The following THSD7B variants were observed in gnomAD, a reference collection of about 807,000 sequenced individuals.
THSD7B encodes the protein thrombospondin type-1 domain-containing protein 7B.
THSD7B carries 138 observed loss-of-function variants against 213.6 expected under a neutral mutation model. The ratio of observed to expected loss-of-function variants is 0.65; its 90% CI spans 0.56 to 0.74. THSD7B has a LOEUF of 0.74. THSD7B is among the 30% of genes least tolerant of loss of function. THSD7B has a pLI of 0.00. For missense variants in THSD7B, 1,931 were observed against 1,991.5 expected, an observed-to-expected ratio of 0.97 and a Z score of 0.58; for synonymous variants, 742 against 687.0, an observed-to-expected ratio of 1.08 and a Z score of -1.25.
At chr2:137,194,634 T>C (rs1379675615) in intron 7 of THSD7B, among the ~76,000 whole-genome samples, 2 of 152,222 alleles carry the variant, frequency 1.3e-5, no homozygotes, top group South Asian at 2.1e-4. Context: ...GTTTTCTTCA[T>C]ACAGGTTTTA....
intron 20 of THSD7B, among the ~76,000 whole-genome samples, chr2:137,628,573 G>A (rs549071969): frequency 6.7e-6 from 1 of 150,130 alleles, no homozygotes; most frequent in Non-Finnish European, 1.5e-5. Flanking sequence ...CGTCAGTGAT[G>A]TCTTTCATTG....
At chr2:137,549,686 T>C (rs988264863) in intron 15 of THSD7B, among the ~76,000 whole-genome samples, 9 of 152,050 alleles carry the variant, frequency 5.9e-5, no homozygotes, top group African/African-American at 2.2e-4. Flanking sequence ...GAACTCCTTA[T>C]TTCCCTGACC....
At chr2:137,298,205 T>C (rs1425660014) in intron 12 of THSD7B, among the ~76,000 whole-genome samples, 2 of 152,112 alleles carry the variant, frequency 1.3e-5, no homozygotes, top group African/African-American at 4.8e-5. Context: ...GTGACCCTTG[T>C]TATGTTTTAG....
At chr2:137,637,913 T>C (rs961675541) in intron 20 of THSD7B, among the ~76,000 whole-genome samples, 2 of 152,158 alleles carry the variant, frequency 1.3e-5, no homozygotes, top group Non-Finnish European at 2.9e-5. Flanking sequence ...ATTAGGATAA[T>C]AGGTGTTTCA....
rs1413075787 is a variant in THSD7B at position 137,202,402 on chromosome 2, G to A, written c.1724-28642G>A. On this transcript the variant is annotated intron_variant, in intron 7 of 27. Transcript: ENST00000409968. The stretch of plus-strand genomic sequence containing the variant: ...AGTGTCCTCATAAGAAGGAGGCAAA[G>A]AAGACAGACACCCAGAAGAGAAGAC... Among the ~76,000 whole-genome samples, 3 of 152,126 alleles carry A rather than the reference G, an allele frequency of 2.0e-5. No homozygotes were observed. In the East Asian group the frequency reaches 5.8e-4, roughly 29 times the overall value.
chr2:136,784,048 C>T (rs1457150085), intron 1 of THSD7B, among the ~76,000 whole-genome samples: 4 of 152,242 alleles, frequency 2.6e-5, no homozygotes, highest in South Asian at 2.1e-4. Flanking sequence ...GAATGTGTGT[C>T]GTGAGGAAAC....
At position 137,232,500 on chromosome 2, in the gene THSD7B, G is replaced by A. The variant is rs1681662862; in HGVS notation, c.1916-399G>A. Among the ~76,000 whole-genome samples the A allele has an allele frequency of 2.0e-5, 3 of 152,178 alleles. No individual in the cohort carries two copies. The South Asian group carries it at 6.2e-4, about 31-fold the overall frequency. On this transcript the variant is annotated intron_variant, in intron 8 of 27. Transcript: ENST00000409968. ...CTGCATAAGGGGTGTGTGTGTGTGT[G>A]TGCTCATTCAAACTAATATCACTTC...
intron 15 of THSD7B, among the ~76,000 whole-genome samples, chr2:137,557,610 C>G (rs1385218079): frequency 6.6e-6 from 1 of 151,940 alleles, no homozygotes; most frequent in South Asian, 2.1e-4. Flanking sequence ...CAAGAGAAAG[C>G]AGGAAAGATC....
chr2:136,876,422 A>G (rs965629904), intron 1 of THSD7B, among the ~76,000 whole-genome samples: 1 of 152,208 alleles, frequency 6.6e-6, no homozygotes, highest in African/African-American at 2.4e-5. Context: ...AAAAATGTCC[A>G]GACTAAAATC....
intron 3 of THSD7B, among the ~76,000 whole-genome samples, chr2:137,068,134 T>G (rs1251415699): frequency 6.6e-6 from 1 of 152,064 alleles, no homozygotes; most frequent in Non-Finnish European, 1.5e-5. Context: ...TGACTTCGAT[T>G]CTCTGATGGA....
chr2:137,247,509 A>G (rs1481547544), intron 10 of THSD7B, among the ~76,000 whole-genome samples: 2 of 152,218 alleles, frequency 1.3e-5, no homozygotes, highest in Admixed American at 6.5e-5. Flanking sequence ...ATTATGGTAT[A>G]TTAAAAATAG....
At chr2:137,192,867 G>T (rs1573877746) in intron 7 of THSD7B, among the ~76,000 whole-genome samples, 1 of 152,322 alleles carries the variant, frequency 6.6e-6, no homozygotes, top group East Asian at 1.9e-4. Flanking sequence ...CATAGGAAAT[G>T]CTGAGTGGGG....
chr2:136,838,543 C>G (rs1413415245), intron 1 of THSD7B, among the ~76,000 whole-genome samples: 2 of 152,164 alleles, frequency 1.3e-5, no homozygotes. Context: ...GTATGCCAGT[C>G]TTTCTTGGTT....
intron 15 of THSD7B, among the ~76,000 whole-genome samples, chr2:137,455,269 A>G (rs1319001745): frequency 6.6e-6 from 1 of 152,178 alleles, no homozygotes; most frequent in Non-Finnish European, 1.5e-5. Flanking sequence ...ATAAACAAAT[A>G]TATTAGAACT....
At chr2:137,083,929 C>CT (rs1687792012) in intron 3 of THSD7B, among the ~76,000 whole-genome samples, 2 of 152,154 alleles carry the variant, frequency 1.3e-5, no homozygotes, top group East Asian at 3.9e-4. Flanking sequence ...TGCAATTTCA[C>CT]TTTTATAAAA....
chr2:137,575,752 T>C (rs989472451), intron 17 of THSD7B, among the ~76,000 whole-genome samples: 6 of 119,024 alleles, frequency 5.0e-5, no homozygotes, highest in African/African-American at 1.4e-4. Flanking sequence ...ATTTTTACTT[T>C]AACATGCTTA....
intron 27 of THSD7B, among the ~76,000 whole-genome samples, 171 bp from the exon 28 acceptor site, chr2:137,676,353 C>A (rs1683699130): frequency 6.6e-6 from 1 of 150,738 alleles, no homozygotes; most frequent in Non-Finnish European, 1.5e-5. Flanking sequence ...TTCTCCTTAA[C>A]AAACAGAGGG....
intron 1 of THSD7B, among the ~76,000 whole-genome samples, chr2:136,846,084 A>G (rs975171502): frequency 1.3e-5 from 2 of 152,032 alleles, no homozygotes; most frequent in Non-Finnish European, 2.9e-5. Context: ...GGGATTTTCT[A>G]TTTGTATTAA....
chr2:137,530,763 C>T (rs1573688312), intron 15 of THSD7B, among the ~76,000 whole-genome samples: 1 of 151,922 alleles, frequency 6.6e-6, no homozygotes, highest in East Asian at 1.9e-4. Context: ...TTCTGTGAAA[C>T]ACAAAGTGGA....
Sources: gnomAD v4.1 joint callset for allele counts (sites outside exome capture counted in the v4.1 genomes callset) on GRCh38, gnomAD v4.1.1 for gene constraint, MANE v1.5 for transcripts, NCBI Gene and HGNC (gene_info 2026-07-23, HGNC 2026-07-21) for gene names.